AXDND1: variants seen among roughly 807,000 people sequenced by gnomAD.
The protein encoded by AXDND1 is axonemal dynein light chain domain-containing protein 1.
In AXDND1, 110 loss-of-function variants were observed where a neutral mutation model predicts 137.5. The ratio of observed to expected loss-of-function variants is 0.80; its 90% CI spans 0.69 to 0.94. The LOEUF is 0.94. AXDND1 is among the 40% of genes least tolerant of loss of function. The pLI, the probability that AXDND1 is intolerant of heterozygous loss-of-function variation, is 0.00. For missense variants in AXDND1, 1,191 were observed against 1,169.8 expected (o/e 1.02, Z -0.26); for synonymous variants, 414 against 399.7 (o/e 1.04, Z -0.43).
chr1:179,379,501 A>G lies in AXDND1; in HGVS notation c.581+19A>G, dbSNP rs1647850985. 1.3e-6 allele frequency: 2 copies of G among 1,596,734 alleles called. No homozygotes were observed. Among genetic ancestry groups the G allele is most frequent in the Non-Finnish European group, 1.7e-6 (2 of 1,172,138 alleles). Reference sequence around the variant, plus strand: ...ATGATGAGTGAGTACTATGATATGTAAAAAATACCTGCCCCAGCTCGGTGG... The same window carrying G: ...ATGATGAGTGAGTACTATGATATGTGAAAAATACCTGCCCCAGCTCGGTGG... On this transcript the variant is annotated intron_variant, in intron 6 of 25. Coordinates refer to ENST00000367618, the MANE Select transcript of AXDND1 (RefSeq NM_144696.6).
chr1:179,375,236 T>A (rs59376003), intron 4 of AXDND1, among the ~76,000 whole-genome samples: 2 of 151,926 alleles, frequency 1.3e-5, no homozygotes, highest in East Asian at 3.9e-4. Flanking sequence ...GTAGCTGGGA[T>A]GACAGGTGCC....
intron 16 of AXDND1, chr1:179,451,410 T>C (rs1303581596): frequency 6.6e-6 from 1 of 152,222 alleles, no homozygotes; most frequent in African/African-American, 2.4e-5. Context: ...CTACAACTTT[T>C]AAGTTTCTGA....
At chr1:179,395,800 G>T (rs1267311233) in intron 11 of AXDND1, among the ~76,000 whole-genome samples, 2 of 152,194 alleles carry the variant, frequency 1.3e-5, no homozygotes, top group Non-Finnish European at 2.9e-5. Flanking sequence ...TACCTTTCAT[G>T]AATTACCAAA....
rs1449288865 is a variant in AXDND1, at chr1:179,489,150, ATGT to A, written c.2092-2387_2092-2385del. ...AGAAAAGCAGTCAATTCATCTTAAAATGTCTTTTAAGAATTTTATATAAGAATC... is the reference window on the plus strand; with the variant it reads ...AGAAAAGCAGTCAATTCATCTTAAAACTTTTAAGAATTTTATATAAGAATC... On this transcript the variant is annotated intron_variant, in intron 18 of 25. Transcript: ENST00000367618. Among the ~76,000 whole-genome samples the A allele has an allele frequency of 1.6e-5, 2 of 125,718 alleles. 1 individual carries two copies. Among genetic ancestry groups the A allele is most frequent in the African/African-American group, 7.1e-5 (2 of 28,272 alleles). The allele number at this position is 125,718 out of a possible 152,430, so 82.5% of individuals were successfully genotyped here. A position where few individuals can be genotyped will look rare whatever the true frequency, so the allele number is the denominator to read the frequency against.
At chr1:179,524,645 G>A (rs942290526) in intron 21 of AXDND1, among the ~76,000 whole-genome samples, 1 of 151,988 alleles carries the variant, frequency 6.6e-6, no homozygotes, top group East Asian at 1.9e-4. Context: ...TAACCATCCC[G>A]TGTCCATCCA....
intron 12 of AXDND1, among the ~76,000 whole-genome samples, chr1:179,413,018 T>G (rs1654126648): frequency 6.6e-6 from 1 of 152,200 alleles, no homozygotes. Flanking sequence ...ATATATTTTC[T>G]GTGTCAATTG....
chr1:179,476,779 A>AT (rs1558238243), intron 17 of AXDND1, among the ~76,000 whole-genome samples: 1 of 151,852 alleles, frequency 6.6e-6, no homozygotes, highest in Non-Finnish European at 1.5e-5. Flanking sequence ...CACTTTCAAG[A>AT]TTTTCTCGTT....
intron 15 of AXDND1, among the ~76,000 whole-genome samples, chr1:179,436,320 T>C (rs1658145256): frequency 1.3e-5 from 2 of 152,316 alleles, no homozygotes; most frequent in Non-Finnish European, 2.9e-5. Context: ...AAATACCATT[T>C]GACAGCAATC....
At chr1:179,420,872 C>T (rs1459383478) in intron 12 of AXDND1, among the ~76,000 whole-genome samples, 1 of 152,090 alleles carries the variant, frequency 6.6e-6, no homozygotes, top group Non-Finnish European at 1.5e-5. Context: ...CTGCCTGCCC[C>T]ACCCTCCCAA....
intron 25 of AXDND1, chr1:179,545,262 G>C (rs1004946602): frequency 1.3e-5 from 2 of 152,102 alleles, no homozygotes; most frequent in Admixed American, 6.6e-5. Context: ...GTTTCTTTGG[G>C]TTTATCTCCT....
At chr1:179,395,651 G>A (rs950341896) in intron 11 of AXDND1, among the ~76,000 whole-genome samples, 2 of 152,140 alleles carry the variant, frequency 1.3e-5, no homozygotes, top group Non-Finnish European at 2.9e-5. Context: ...TATAAGTAAA[G>A]CACTTAGAAT....
intron 22 of AXDND1, 42 bp from the exon 23 acceptor site, chr1:179,528,285 T>C: frequency 6.9e-7 from 1 of 1,448,440 alleles, no homozygotes; most frequent in Non-Finnish European, 9.7e-7. Context: ...GCTGGGGTGC[T>C]ACACCAGCTT....
intron 3 of AXDND1, 71 bp downstream of exon 3, chr1:179,369,043 A>T: frequency 7.2e-7 from 1 of 1,380,884 alleles, no homozygotes; most frequent in South Asian, 1.3e-5. Context: ...TTAAGTATTT[A>T]TTATGCACAT....
At chr1:179,541,120 G>A (rs1672092390) in intron 25 of AXDND1, among the ~76,000 whole-genome samples, 1 of 152,178 alleles carries the variant, frequency 6.6e-6, no homozygotes, top group African/African-American at 2.4e-5. Context: ...CTCCGTGGGT[G>A]GGGGACCCGC....
intron 21 of AXDND1, among the ~76,000 whole-genome samples, chr1:179,514,778 A>G (rs1192204730): frequency 6.6e-6 from 1 of 152,048 alleles, no homozygotes; most frequent in East Asian, 1.9e-4. Flanking sequence ...TAGGATTGTG[A>G]TATTTTCTTG....
intron 13 of AXDND1, 72 bp from the exon 14 acceptor site, chr1:179,430,380 C>T: frequency 4.4e-6 from 5 of 1,140,284 alleles, no homozygotes; most frequent in East Asian, 2.6e-5. Flanking sequence ...TAATAATGGC[C>T]TGGTATATGT....
intron 17 of AXDND1, among the ~76,000 whole-genome samples, chr1:179,475,054 G>T (rs981773696): frequency 1.3e-5 from 2 of 152,128 alleles, no homozygotes; most frequent in Non-Finnish European, 2.9e-5. Flanking sequence ...TGGGCCTGTG[G>T]GTGCACAGAA....
chr1:179,505,378 T>TG (rs1240801702), intron 20 of AXDND1, among the ~76,000 whole-genome samples: 2 of 152,136 alleles, frequency 1.3e-5, no homozygotes, highest in Non-Finnish European at 2.9e-5. Context: ...CTTGGCCAGG[T>TG]GCAGTGGTTC....
intron 4 of AXDND1, among the ~76,000 whole-genome samples, chr1:179,377,802 G>T (rs1278250060): frequency 6.6e-6 from 1 of 152,150 alleles, no homozygotes; most frequent in African/African-American, 2.4e-5. Context: ...CAAATTGCAG[G>T]ACAATTTTAG....
Sources: allele counts gnomAD v4.1 joint callset (sites outside exome capture counted in the v4.1 genomes callset), GRCh38; gene constraint gnomAD v4.1.1; transcripts MANE v1.5; gene names NCBI Gene and HGNC (gene_info 2026-07-23, HGNC 2026-07-21).